The following TMEM219 variants were observed in gnomAD, a reference collection of about 807,000 sequenced individuals.
TMEM219 encodes transmembrane protein 219, also known as insulin-like growth factor-binding protein 3 receptor.
In TMEM219, 18 loss-of-function variants were observed where a neutral mutation model predicts 17.9. The observed-to-expected ratio is 1.01, with a 90% confidence interval of 0.70 to 1.49. TMEM219 has a LOEUF of 1.49. TMEM219 is among the 40% of genes most tolerant of loss of function. The pLI is 0.00. For missense variants in TMEM219, 288 were observed against 292.4 expected (o/e 0.99, Z 0.11); for synonymous variants, 113 against 124.0 (o/e 0.91, Z 0.59).
At chr16:29,966,226 T>G (rs542886943) in intron 3 of TMEM219, among the ~76,000 whole-genome samples, 1 of 152,334 alleles carries the variant, frequency 6.6e-6, no homozygotes, top group East Asian at 1.9e-4. Context: ...GAGCCTCTTA[T>G]GGTTTATTGT....
At chr16:29,963,867 A>G (rs1460999180) in intron 3 of TMEM219, among the ~76,000 whole-genome samples, 1 of 137,326 alleles carries the variant, frequency 7.3e-6, no homozygotes, top group Non-Finnish European at 1.5e-5. Flanking sequence ...TGGGTGACAG[A>G]GCAAGACTCT....
chr16:29,963,200 T>A lies in TMEM219; in HGVS notation c.57T>A (p.Pro19=). 1 of 1,613,782 alleles carries A rather than the reference T, an allele frequency of 6.2e-7. No individual in the cohort carries two copies. Among genetic ancestry groups the A allele is most frequent in the Non-Finnish European group, 8.5e-7 (1 of 1,180,020 alleles). ...NLHLCLAHHP[P]LVCATLILLL... The stretch of plus-strand genomic sequence containing the variant: ...ACCTGTGTCTGGCCCACCACCCACC[T>A]CTGGTCTGTGCCACTTTGATCCTGC... The change falls in exon 2 of 6, where the codon CCT becomes CCA. Residue 19 remains proline, a synonymous_variant. Transcript: ENST00000279396.
At chr16:29,972,466 C>G (rs2069311334) in intron 5 of TMEM219, among the ~76,000 whole-genome samples, 2 of 152,178 alleles carry the variant, frequency 1.3e-5, no homozygotes, top group South Asian at 4.1e-4. Flanking sequence ...CACACATCAG[C>G]TCACTAAAGG....
Position 29,963,218 on chromosome 16 carries a change from G to A in TMEM219, c.75G>A (p.Leu25=), listed in dbSNP as rs377178738. ...ACCCACCTCTGGTCTGTGCCACTTT[G>A]ATCCTGCTGCTCCTTGGCCTCTCTG... The part of the protein sequence containing the change: ...AHHPPLVCAT[L]ILLLLGLSGL... The change falls in exon 2 of 6, where the codon TTG becomes TTA. Residue 25 remains leucine (L), a synonymous_variant. Coordinates refer to ENST00000279396, the MANE Select transcript of TMEM219 (RefSeq NM_001083613.2). 4.3e-6 allele frequency: 7 copies of A among 1,613,850 alleles called. No individual in the cohort carries two copies. In the African/African-American group the frequency reaches 6.7e-5, roughly 15 times the overall value.
At chr16:29,970,565 C>T (rs2069271099) in intron 4 of TMEM219, among the ~76,000 whole-genome samples, 2 of 151,858 alleles carry the variant, frequency 1.3e-5, no homozygotes. Context: ...ACCTCGTGAT[C>T]CACCCACCTC....
Position 29,972,730 on chromosome 16 carries a change from C to T in TMEM219, c.*34-220C>T, listed in dbSNP as rs568623019. On this transcript the variant is annotated intron_variant, in intron 5 of 5. Coordinates refer to ENST00000279396, the MANE Select transcript of TMEM219 (RefSeq NM_001083613.2). ...AAATGCCCCAACCACCTACTTGGGA[C>T]AGGAAATGACAGGACCCTCTCAACC... Among the ~76,000 whole-genome samples the T allele has an allele frequency of 9.8e-5, 15 of 152,292 alleles. No individual in the cohort carries two copies. In the South Asian group the frequency reaches 3.1e-3, roughly 32 times the overall value.
At chr16:29,964,802 T>TCG (rs1391474902) in intron 3 of TMEM219, among the ~76,000 whole-genome samples, 2 of 152,158 alleles carry the variant, frequency 1.3e-5, no homozygotes, top group African/African-American at 2.4e-5. Context: ...TCCCTGGACT[T>TCG]TAGTCACTTC....
chr16:29,967,890 G>GCA (rs2069233279), intron 3 of TMEM219, 135 bp from the exon 4 acceptor site: 1 of 659,702 alleles, frequency 1.5e-6, no homozygotes. Flanking sequence ...TTGCGCCACT[G>GCA]CACTCCAGCC....
chr16:29,969,641 T>G (rs182669340), intron 4 of TMEM219, among the ~76,000 whole-genome samples: 1 of 151,810 alleles, frequency 6.6e-6, no homozygotes, highest in South Asian at 2.1e-4. Context: ...ATTGTGCCAC[T>G]GCACTCCAGC....
Position 29,965,516 on chromosome 16 carries a change from C to T in TMEM219, c.355+1927C>T, listed in dbSNP as rs192616279. On this transcript the variant is annotated intron_variant, in intron 3 of 5. Coordinates refer to ENST00000279396, the MANE Select transcript of TMEM219 (RefSeq NM_001083613.2). ...GGCAGATTGCTTGAGCGCAGGTGTTCGAGACCAGCCTGGACAAAATGGCAA... is the reference window on the plus strand; with the variant it reads ...GGCAGATTGCTTGAGCGCAGGTGTTTGAGACCAGCCTGGACAAAATGGCAA... 1.7e-3 allele frequency among the ~76,000 whole-genome samples: 240 copies of T among 141,980 alleles called. 2 individuals are homozygous for T. Among genetic ancestry groups the T allele is most frequent in the African/African-American group, 6.0e-3 (227 of 37,630 alleles). 93.1% of individuals were successfully genotyped at this position (141,980 alleles called of 152,430 possible).
rs1003593776 is a variant in TMEM219, at chr16:29,972,979, T to A, written c.*63T>A. ...GAATCAACTTCTTGGGCCTTGGCTCTGAGTTGGAAAAGGTTTTAGAAAAAG... is the reference window on the plus strand; with the variant it reads ...GAATCAACTTCTTGGGCCTTGGCTCAGAGTTGGAAAAGGTTTTAGAAAAAG... On this transcript the variant is annotated 3_prime_UTR_variant, in exon 6 of 6. Coordinates refer to ENST00000279396, the MANE Select transcript of TMEM219 (RefSeq NM_001083613.2). The A allele has an allele frequency of 1.1e-4, 17 of 152,274 alleles. No individual in the cohort carries two copies. Among genetic ancestry groups the A allele is most frequent in the Admixed American group, 1.0e-3 (16 of 15,284 alleles). The allele number at this position is 152,274 out of a possible 1,614,324, so 9.4% of individuals were successfully genotyped here.
chr16:29,970,047 A>C (rs1276587458), intron 4 of TMEM219, among the ~76,000 whole-genome samples: 1 of 152,088 alleles, frequency 6.6e-6, no homozygotes, highest in African/African-American at 2.4e-5. Flanking sequence ...CAGCCTGGCC[A>C]ACATGGTGAA....
At chr16:29,970,311 G>C (rs2069266788) in intron 4 of TMEM219, among the ~76,000 whole-genome samples, 1 of 151,036 alleles carries the variant, frequency 6.6e-6, no homozygotes, top group African/African-American at 2.4e-5. Context: ...TCCAGATCTA[G>C]CACTGCTTGC....
At chr16:29,967,506 G>A (rs4788203) in intron 3 of TMEM219, among the ~76,000 whole-genome samples, 55,541 of 152,078 alleles carry the variant, frequency 0.37, 10,653 homozygotes, top group South Asian at 0.48. Flanking sequence ...GCCTACTCAG[G>A]AGACTGAGGT....
chr16:29,964,837 T>C (rs1237068539), intron 3 of TMEM219, among the ~76,000 whole-genome samples: 2 of 152,204 alleles, frequency 1.3e-5, no homozygotes, highest in African/African-American at 4.8e-5. Flanking sequence ...TCAGTGAACA[T>C]GCTGCCGACA....
intron 4 of TMEM219, among the ~76,000 whole-genome samples, chr16:29,969,004 T>A (rs1007502481): frequency 6.6e-6 from 1 of 151,852 alleles, no homozygotes; most frequent in African/African-American, 2.4e-5. Context: ...TAGAGGAGGT[T>A]CAGGAGAGGG....
At chr16:29,963,911 G>T (rs576705809) in intron 3 of TMEM219, among the ~76,000 whole-genome samples, 1 of 146,802 alleles carries the variant, frequency 6.8e-6, no homozygotes. Context: ...AATCAGGTGC[G>T]GTGGCTCATG....
intron 3 of TMEM219, among the ~76,000 whole-genome samples, chr16:29,965,978 G>A (rs534519475): frequency 2.6e-5 from 4 of 152,116 alleles, no homozygotes; most frequent in Admixed American, 1.3e-4. Context: ...CTCATGATCC[G>A]CCCGCCTTGG....
At chr16:29,966,115 C>T (rs2069209634) in intron 3 of TMEM219, among the ~76,000 whole-genome samples, 1 of 152,064 alleles carries the variant, frequency 6.6e-6, no homozygotes, top group Admixed American at 6.5e-5. Flanking sequence ...AGTGATCCTC[C>T]TGCCTCACCT....
Sources: gnomAD v4.1 joint callset for allele counts (sites outside exome capture counted in the v4.1 genomes callset) on GRCh38, gnomAD v4.1.1 for gene constraint, MANE v1.5 for transcripts, NCBI Gene and HGNC (gene_info 2026-07-23, HGNC 2026-07-21) for gene names.